Variants in KDM5C observed in about 807,000 individuals in gnomAD.
The protein encoded by KDM5C is lysine-specific demethylase 5C.
Under a neutral mutation model 110.6 loss-of-function variants are expected in KDM5C, and 16 were observed. The observed-to-expected ratio is 0.14, with a 90% CI of 0.10 to 0.22. The LOEUF (loss-of-function observed/expected upper bound fraction) is 0.22, where lower values mean the gene tolerates loss of function less well. Among genes scored for constraint, KDM5C ranks in the 10% least tolerant of loss-of-function variants. The probability of loss-of-function intolerance (pLI) is 1.00; values close to 1 mark genes in which losing one functional copy is unlikely to be tolerated. For synonymous variants in KDM5C, 511 were observed against 520.4 expected (o/e 0.98, Z 0.24); for missense variants, 681 against 1,300.9 (o/e 0.52, Z 7.33).
chrX:53,210,210 C>T (rs782117887), intron 12 of KDM5C, among the ~76,000 whole-genome samples: 5 of 112,486 alleles, frequency 4.4e-5, no homozygotes, highest in Non-Finnish European at 9.4e-5. Flanking sequence ...AAACACATGG[C>T]CCAGAGGGCA....
chrX:53,191,719 A>T (rs1401310471), downstream of KDM5C: 11 of 173,586 alleles, frequency 6.3e-5, no homozygotes, highest in Middle Eastern at 3.6e-3. Context: ...AGGGCAATAA[A>T]GCATCATGGA....
In KDM5C at chrX:53,196,070, A is replaced by G. The variant is rs1934826076; in HGVS notation, c.2982-16T>C. 8.3e-7 allele frequency: 1 copy of G among 1,209,789 alleles called. No homozygotes were observed. The highest frequency in any genetic ancestry group is 1.1e-6 in the Non-Finnish European group (1 of 894,595). On this transcript the variant is annotated splice_polypyrimidine_tract_variant and intron_variant, in intron 19 of 25. Transcript: ENST00000375401. The stretch of plus-strand genomic sequence containing the variant: ...ATGCTTCTGCCTAAAGGTAAGGAAA[A>G]AAAGAACGCTCAGTCTGATGTGGTC...
At chrX:53,202,812 T>C (rs1304881199) in intron 12 of KDM5C, 1 of 111,160 alleles carries the variant, frequency 9.0e-6, no homozygotes, top group East Asian at 2.8e-4. Context: ...AATTCTAAGA[T>C]GAAAATCCTT....
rs781989373 is a variant in KDM5C, at chrX:53,194,402, G to A, written c.3775C>T (p.Leu1259=). Reference sequence around the variant, plus strand: ...CTCTGCAGGGCTACCAGCAGTGCCAGGATGGTCTCCAGGCGCGGGCGCCTT... The same window carrying A: ...CTCTGCAGGGCTACCAGCAGTGCCAAGATGGTCTCCAGGCGCGGGCGCCTT... ...RSRRPRLETI[L]ALLVALQRLP... Residue 1259 remains leucine, a synonymous_variant, in exon 23 of 26, where the codon CTG becomes TTG. Transcript: ENST00000375401. The A allele has an allele frequency of 8.3e-7, 1 of 1,212,100 alleles. No homozygotes were observed. The highest frequency in any genetic ancestry group is 1.8e-5 in the South Asian group (1 of 56,946).
chrX:53,210,436 G>A lies in KDM5C; in HGVS notation c.1724C>T (p.Thr575Ile). The A allele has an allele frequency of 8.2e-7, 1 of 1,212,229 alleles. No homozygotes were observed. The highest frequency in any genetic ancestry group is 1.1e-6 in the Non-Finnish European group (1 of 895,636). Residue 575 changes from threonine (T) to isoleucine (I), a missense_variant, in exon 12 of 26, where the codon ACC (threonine) becomes ATC (isoleucine). Around this residue, in one of 14 missense-constraint regions of KDM5C, gnomAD observed 41 missense variants for 205.9 expected, o/e 0.20. Transcript: ENST00000375401. ...HQLVTLMNPNTLMSHGVPVVR... is the reference protein window; with the variant it reads ...HQLVTLMNPNILMSHGVPVVR... ...CACTGGCACACCATGGGACATGAGG[G>A]TGTTGGGATTCATGAGGGTGACAAG...
At chrX:53,197,188 T>C (rs1934928085) in intron 18 of KDM5C, 144 bp from the exon 19 acceptor site, 2 of 491,789 alleles carry the variant, frequency 4.1e-6, no homozygotes, top group South Asian at 5.9e-5. Flanking sequence ...GCTCTCCTTC[T>C]CCAAGCCCTA....
chrX:53,218,655 A>G (rs1556853296), intron 2 of KDM5C: 1 of 446,773 alleles, frequency 2.2e-6, no homozygotes, highest in African/African-American at 2.4e-5. Flanking sequence ...GGCTGACTGT[A>G]GACTTGACCT....
chrX:53,196,536 A>T, intron 19 of KDM5C, 150 bp downstream of exon 19: 1 of 518,802 alleles, frequency 1.9e-6, no homozygotes, highest in Non-Finnish European at 3.3e-6. Flanking sequence ...TTTTAAAAAA[A>T]CGACAAGATA....
rs1602248334 is a variant in KDM5C at position 53,225,198 on chromosome X, T to G, written c.-309A>C. 1 of 360,511 alleles carries G rather than the reference T, an allele frequency of 2.8e-6. No homozygotes were observed. Among genetic ancestry groups the G allele is most frequent in the East Asian group, 4.3e-5 (1 of 23,395 alleles). The allele number at this position is 360,511 out of a possible 1,213,427, so 29.7% of individuals were successfully genotyped here. On this transcript the variant is annotated 5_prime_UTR_variant, in exon 1 of 26. Transcript: ENST00000375401. ...GGCCTTCAGCGCCGCCGCCGCCATC[T>G]TGGTTTGTCAGCGTCTCCCCTCCCC...
chrX:53,180,719 CTTTTTTT>C (rs1173641591), intron 25 of KDM5C, among the ~76,000 whole-genome samples: 8 of 30,299 alleles, frequency 2.6e-4, no homozygotes, highest in African/African-American at 1.0e-3. Context: ...CCACACCCGG[CTTTTTTT>C]TTTTTTTTTT....
chrX:53,194,322 G>T lies in KDM5C; in HGVS notation c.3855C>A (p.Ala1285=). ...GEALQCLTER[A]ISWQGRARQA... Reference sequence around the variant, plus strand: ...GCCTGGCGCGGCCTTGCCAGCTGATGGCCCTCTCTGTGAGGCACTGCAGGG... The same window carrying T: ...GCCTGGCGCGGCCTTGCCAGCTGATTGCCCTCTCTGTGAGGCACTGCAGGG... Residue 1285 remains alanine (A), a synonymous_variant, in exon 23 of 26, where the codon GCC becomes GCA. Transcript: ENST00000375401. 1 of 1,212,013 alleles carries T rather than the reference G, an allele frequency of 8.3e-7. No homozygotes were observed. The highest frequency in any genetic ancestry group is 1.1e-6 in the Non-Finnish European group (1 of 895,355).
intron 14 of KDM5C, among the ~76,000 whole-genome samples, chrX:53,200,356 A>G (rs1401133797): frequency 9.0e-6 from 1 of 111,550 alleles, no homozygotes; most frequent in African/African-American, 3.3e-5. Context: ...AAATACACAT[A>G]CAATCTCTTA....
At position 53,196,757 on chromosome X, in the gene KDM5C, C is replaced by T. The variant is rs1934885483; in HGVS notation, c.2910G>A (p.Gln970=). The change falls in exon 19 of 26, where the codon CAG becomes CAA. Residue 970 remains glutamine (Q), a synonymous_variant. Coordinates refer to ENST00000375401, the MANE Select transcript of KDM5C (RefSeq NM_004187.5). The stretch of plus-strand genomic sequence containing the variant: ...TGGTCAGCAGTTCCTGCAGCTCGGC[C>T]TGGGCTTTATCCACAGCAGGGCTAG... The part of the protein sequence containing the change: ...VAPSPAVDKA[Q]AELQELLTIA... The T allele has an allele frequency of 8.2e-7, 1 of 1,212,539 alleles. No homozygotes were observed.
chrX:53,211,378 C>T, intron 10 of KDM5C, 119 bp downstream of exon 10: 1 of 770,907 alleles, frequency 1.3e-6, no homozygotes, highest in Admixed American at 2.6e-5. Flanking sequence ...ATCTAAATCT[C>T]ATGGCTACAT....
chrX:53,211,344 T>C (rs1166900905), intron 10 of KDM5C, among the ~76,000 whole-genome samples, 153 bp downstream of exon 10: 1 of 112,207 alleles, frequency 8.9e-6, no homozygotes, highest in Non-Finnish European at 1.9e-5. Context: ...ACATGCCAGG[T>C]ACCAGACTGT....
At chrX:53,177,504 A>G (rs892974609) in intron 25 of KDM5C, among the ~76,000 whole-genome samples, 4 of 112,912 alleles carry the variant, frequency 3.5e-5, no homozygotes, top group South Asian at 7.2e-4. Context: ...GAATTGTGTT[A>G]GGTGTACTAA....
rs1602160910 is a variant in KDM5C at position 53,194,189 on chromosome X, C to T, written c.3988G>A (p.Ala1330Thr). The change falls in exon 23 of 26, where the codon GCC becomes ACC. Residue 1330 changes from alanine (A) to threonine (T), a missense_variant. Around this residue, in one of 14 missense-constraint regions of KDM5C, gnomAD observed 88 missense variants for 85.6 expected, o/e 1.03. Coordinates refer to ENST00000375401, the MANE Select transcript of KDM5C (RefSeq NM_004187.5). The stretch of plus-strand genomic sequence containing the variant: ...TCTCTGAGGGGGTCAGAAGCAGGGG[C>T]TGCAGGGTAGTTAGGAGGCTCCTCA... ...RPEEPPNYPA[A>T]PASDPLREGS... 8 of 1,209,977 alleles carry T rather than the reference C, an allele frequency of 6.6e-6. No individual in the cohort carries two copies. Among genetic ancestry groups the T allele is most frequent in the Middle Eastern group, 2.3e-4 (1 of 4,344 alleles).
chrX:53,181,675 C>CAA (rs60649092), intron 25 of KDM5C, among the ~76,000 whole-genome samples: 18 of 52,643 alleles, frequency 3.4e-4, no homozygotes, highest in East Asian at 1.4e-3. Context: ...GACCATGTCT[C>CAA]AAAAAAAAAA....
intron 25 of KDM5C, among the ~76,000 whole-genome samples, chrX:53,178,051 T>C (rs1287777565): frequency 9.0e-6 from 1 of 111,198 alleles, no homozygotes; most frequent in Non-Finnish European, 1.9e-5. Context: ...TGAGACAGGG[T>C]CTCACTATGT....
Sources: gnomAD v4.1 joint callset for allele counts (sites outside exome capture counted in the v4.1 genomes callset) on GRCh38, gnomAD v4.1.1 for gene constraint, gnomAD v4.1.1 regional missense constraint, MANE v1.5 for transcripts, NCBI Gene and HGNC (gene_info 2026-07-23, HGNC 2026-07-21) for gene names.